Variants in ZC3H12B observed in about 807,000 individuals in gnomAD.
ZC3H12B encodes the protein zinc finger CCCH-type containing 12B.
Under a neutral mutation model 43.9 loss-of-function variants are expected in ZC3H12B, and 7 were observed. That is an observed-to-expected ratio of 0.16 (90% CI 0.09 to 0.30). The LOEUF is 0.30. ZC3H12B is among the 10% of genes least tolerant of loss of function. ZC3H12B has a pLI of 1.00. For synonymous variants in ZC3H12B, 222 were observed against 241.7 expected, an observed-to-expected ratio of 0.92 and a Z score of 0.76; for missense variants, 475 against 670.2, an observed-to-expected ratio of 0.71 and a Z score of 3.22.
the ZC3H12B span, among the ~76,000 whole-genome samples, chrX:65,242,658 C>T: frequency 5.4e-5 from 6 of 111,387 alleles, no homozygotes; most frequent in Non-Finnish European, 1.1e-4. Flanking sequence ...TCACAGGGAC[C>T]CAAAATATCC....
Position 65,480,359 on chromosome X carries a change from G to C in ZC3H12B, n.408-8287G>C, listed in dbSNP as rs141126001. Among the ~76,000 whole-genome samples, 96 of 112,559 alleles carry C rather than the reference G, an allele frequency of 8.5e-4. 1 individual carries two copies. In the East Asian group the frequency reaches 0.024, roughly 29 times the overall value. On this transcript the variant is annotated intron_variant and non_coding_transcript_variant, in intron 3 of 5. Coordinates refer to the ZC3H12B transcript ENST00000617377. ...GTATTAATGTTAACTGAAATACAAA[G>C]TCACTCATAGACAGATTTTTAATTA...
At chrX:65,142,209 G>A in the ZC3H12B span, among the ~76,000 whole-genome samples, 3 of 112,305 alleles carry the variant, frequency 2.7e-5, no homozygotes, top group East Asian at 8.4e-4. Context: ...GCAGGAGTAA[G>A]GTGGTATCAC....
intron 3 of ZC3H12B, among the ~76,000 whole-genome samples, chrX:65,431,330 C>G (rs183191245): frequency 8.9e-6 from 1 of 112,339 alleles, no homozygotes; most frequent in East Asian, 2.8e-4. Context: ...TCAAGTGTAT[C>G]AACTTGCCAC....
At chrX:65,434,766 A>C (rs1483526880) in intron 3 of ZC3H12B, among the ~76,000 whole-genome samples, 2 of 111,025 alleles carry the variant, frequency 1.8e-5, no homozygotes, top group African/African-American at 6.6e-5. Context: ...GTAGTGGGTG[A>C]GTCCTGAGGA....
chrX:65,058,364 A>G, the ZC3H12B span, among the ~76,000 whole-genome samples: 1 of 112,235 alleles, frequency 8.9e-6, no homozygotes, highest in African/African-American at 3.2e-5. Context: ...TTGCCTGGGT[A>G]TCAGCAGCAG....
chrX:65,460,230 C>T lies in ZC3H12B; in HGVS notation n.408-28416C>T, dbSNP rs777057915. Among the ~76,000 whole-genome samples the T allele has an allele frequency of 1.4e-3, 154 of 111,775 alleles. 1 individual carries two copies. The highest frequency in any genetic ancestry group is 4.9e-3 in the African/African-American group (151 of 30,797). ...AGGAGGATACAAACAAATGGAAGAACATTCCATGCTCATGGGTAGGAAGAA... is the reference window on the plus strand; with the variant it reads ...AGGAGGATACAAACAAATGGAAGAATATTCCATGCTCATGGGTAGGAAGAA... On this transcript the variant is annotated intron_variant and non_coding_transcript_variant, in intron 3 of 5. Transcript: ENST00000617377.
the ZC3H12B span, among the ~76,000 whole-genome samples, chrX:65,257,265 A>G: frequency 3.6e-5 from 4 of 112,231 alleles, no homozygotes; most frequent in Non-Finnish European, 7.5e-5. Context: ...ATGGAATACT[A>G]TGCAGCCATA....
intron 2 of ZC3H12B, among the ~76,000 whole-genome samples, chrX:65,389,369 G>A (rs1203481154): frequency 8.9e-6 from 1 of 112,305 alleles, no homozygotes; most frequent in East Asian, 2.8e-4. Flanking sequence ...CTGCCACCTT[G>A]CAGTTTAATC....
chrX:65,381,362 A>C (rs956327189), intron 2 of ZC3H12B, among the ~76,000 whole-genome samples: 28 of 112,140 alleles, frequency 2.5e-4, no homozygotes, highest in Non-Finnish European at 3.6e-4. Context: ...TACTGGGTAC[A>C]TAACGAAATG....
chrX:65,483,789 C>A (rs1363386978), upstream of ZC3H12B, among the ~76,000 whole-genome samples: 1 of 111,991 alleles, frequency 8.9e-6, no homozygotes, highest in Non-Finnish European at 1.9e-5. Flanking sequence ...AATTTGTTCT[C>A]TTAGAAGCTA....
the ZC3H12B span, among the ~76,000 whole-genome samples, chrX:65,068,575 C>T: frequency 9.0e-6 from 1 of 111,580 alleles, no homozygotes; most frequent in Non-Finnish European, 1.9e-5. Flanking sequence ...TTGTACTGTC[C>T]GTGTCTTAAA....
chrX:65,375,136 G>A (rs1012886078), intron 2 of ZC3H12B, among the ~76,000 whole-genome samples: 5 of 111,538 alleles, frequency 4.5e-5, no homozygotes, highest in African/African-American at 9.8e-5. Flanking sequence ...AGGGTACAGC[G>A]GTTGTGAAAC....
At chrX:65,452,458 G>A (rs73629444) in intron 3 of ZC3H12B, among the ~76,000 whole-genome samples, 12,005 of 109,716 alleles carry the variant, frequency 0.11, 1,629 homozygotes, top group African/African-American at 0.37. Flanking sequence ...AAAACACTTG[G>A]GAATATACCT....
At position 65,450,102 on chromosome X, in the gene ZC3H12B, C is replaced by G. The variant is rs1462692950; in HGVS notation, n.408-38544C>G. Among the ~76,000 whole-genome samples, 4 of 108,027 alleles carry G rather than the reference C, an allele frequency of 3.7e-5. No individual in the cohort carries two copies. The East Asian group carries it at 1.2e-3, about 31-fold the overall frequency. 93.8% of individuals were successfully genotyped at this position (108,027 alleles called of 115,157 possible). On this transcript the variant is annotated intron_variant and non_coding_transcript_variant, in intron 3 of 5. Transcript: ENST00000617377. ...AGGGTAGATCGTGAGGTCAGGAGTT[C>G]AAGACCAGCCTGGCCAAGATGGCGA...
the ZC3H12B span, among the ~76,000 whole-genome samples, chrX:65,238,501 T>C: frequency 9.0e-6 from 1 of 111,270 alleles, no homozygotes; most frequent in Admixed American, 9.6e-5. Flanking sequence ...TCTTTATTAG[T>C]CTAGATAACA....
chrX:65,406,538 C>A (rs1440357621), intron 3 of ZC3H12B, among the ~76,000 whole-genome samples: 2 of 96,759 alleles, frequency 2.1e-5, no homozygotes, highest in Non-Finnish European at 4.1e-5. Context: ...GGGCTGCGGG[C>A]TAGCGTCCCC....
At chrX:65,325,728 A>T in the ZC3H12B span, among the ~76,000 whole-genome samples, 1 of 110,737 alleles carries the variant, frequency 9.0e-6, no homozygotes, top group Non-Finnish European at 1.9e-5. Context: ...TTAAAAATAT[A>T]AAAAAATCCT....
At chrX:65,137,642 G>A in the ZC3H12B span, among the ~76,000 whole-genome samples, 2 of 111,547 alleles carry the variant, frequency 1.8e-5, no homozygotes, top group East Asian at 5.6e-4. Context: ...AAATTTGTTT[G>A]AACTAGATTT....
intron 2 of ZC3H12B, 96 bp downstream of exon 7, chrX:65,497,367 T>C (rs1454297813): frequency 1.2e-6 from 1 of 807,396 alleles, no homozygotes; most frequent in African/African-American, 2.1e-5. Context: ...TTTTCAAAGT[T>C]GTTAAGTATA....
Sources: gnomAD v4.1 joint callset for allele counts (sites outside exome capture counted in the v4.1 genomes callset) on GRCh38, gnomAD v4.1.1 for gene constraint, MANE v1.5 for transcripts, NCBI Gene and HGNC (gene_info 2026-07-23, HGNC 2026-07-21) for gene names.